TMT1B: variants seen among roughly 807,000 people sequenced by gnomAD.
TMT1B encodes the protein thiol methyltransferase 1B.
the TMT1B span, chr12:55,683,802 A>G: frequency 6.2e-7 from 1 of 1,613,304 alleles, no homozygotes; most frequent in Admixed American, 1.7e-5. Flanking sequence ...TAACTCTCTC[A>G]TCCCTCCCAG....
the TMT1B span, chr12:55,681,971 G>A: frequency 6.2e-7 from 1 of 1,614,240 alleles, no homozygotes; most frequent in East Asian, 2.2e-5. Flanking sequence ...CGGGAAAGTG[G>A]CCCTACTGGA....
At chr12:55,682,184 A>G in the TMT1B span, 1 of 1,613,584 alleles carries the variant, frequency 6.2e-7, no homozygotes, top group Non-Finnish European at 8.5e-7. Flanking sequence ...GGTGGTCTGC[A>G]CTCTGGTGCT....
At chr12:55,681,997 C>T in the TMT1B span, 10 of 1,614,246 alleles carry the variant, frequency 6.2e-6, no homozygotes, top group Non-Finnish European at 7.6e-6. Context: ...GCTGCGGAAC[C>T]GGAGCCAACT....
At chr12:55,682,364 C>A in the TMT1B span, 364 of 982,404 alleles carry the variant, frequency 3.7e-4, 1 homozygote, top group African/African-American at 5.3e-3. Flanking sequence ...ACATTAGACA[C>A]CCCATCCACC....
the TMT1B span, chr12:55,681,738 C>T: frequency 6.5e-7 from 1 of 1,536,294 alleles, no homozygotes; most frequent in Non-Finnish European, 8.8e-7. Flanking sequence ...GGAAGCACAG[C>T]TCAGAGCTGG....
At chr12:55,682,236 G>A in the TMT1B span, 7 of 1,613,172 alleles carry the variant, frequency 4.3e-6, no homozygotes, top group South Asian at 2.2e-5. Flanking sequence ...CAGGAGGTCC[G>A]GAGAGTACTG....
the TMT1B span, among the ~76,000 whole-genome samples, chr12:55,682,808 AAGAGAG>A: frequency 1.8e-4 from 27 of 148,258 alleles, no homozygotes; most frequent in Non-Finnish European, 3.0e-4. Context: ...AATAAATAAA[AAGAGAG>A]AGAGAGAGAG....
chr12:55,684,064 C>T, the TMT1B span: 2 of 1,610,278 alleles, frequency 1.2e-6, no homozygotes, highest in South Asian at 1.1e-5. Context: ...TCCCAAGCTC[C>T]AAGGCACTCA....
At chr12:55,681,935 C>T in the TMT1B span, 1 of 1,614,126 alleles carries the variant, frequency 6.2e-7, no homozygotes, top group Non-Finnish European at 8.5e-7. Flanking sequence ...GCTCTTCAGC[C>T]AGATAAAGGG....
At chr12:55,682,143 T>C in the TMT1B span, 1 of 1,613,748 alleles carries the variant, frequency 6.2e-7, no homozygotes, top group African/African-American at 1.3e-5. Flanking sequence ...GGAGAGGACA[T>C]GAGACAGCTG....
chr12:55,683,356 G>A, the TMT1B span, among the ~76,000 whole-genome samples: 2 of 152,150 alleles, frequency 1.3e-5, no homozygotes, highest in African/African-American at 4.8e-5. Context: ...GTAGCCGGGC[G>A]TGGTGGCTCA....
the TMT1B span, chr12:55,684,280 A>T: frequency 1.9e-6 from 1 of 517,618 alleles, no homozygotes; most frequent in East Asian, 3.4e-5. Flanking sequence ...CAGGGAGGAA[A>T]CACTAGGACC....
chr12:55,684,130 T>G, the TMT1B span: 1 of 1,311,332 alleles, frequency 7.6e-7, no homozygotes, highest in Non-Finnish European at 1.1e-6. Flanking sequence ...CTATCTATCT[T>G]CCACTGAGAG....
At chr12:55,682,711 G>A in the TMT1B span, among the ~76,000 whole-genome samples, 2 of 151,804 alleles carry the variant, frequency 1.3e-5, no homozygotes, top group Admixed American at 6.6e-5. Flanking sequence ...ACTTGAGCCC[G>A]AGTTCAAAGT....
the TMT1B span, chr12:55,684,005 T>C: frequency 1.9e-5 from 30 of 1,613,688 alleles, no homozygotes; most frequent in Non-Finnish European, 2.3e-5. Flanking sequence ...TCCCTTGAAG[T>C]GGCTACCTGT....
At chr12:55,681,925 G>A in the TMT1B span, 9 of 1,613,954 alleles carry the variant, frequency 5.6e-6, no homozygotes, top group Non-Finnish European at 7.6e-6. Context: ...AGAAACGGGA[G>A]CTCTTCAGCC....
At chr12:55,682,725 A>G in the TMT1B span, among the ~76,000 whole-genome samples, 2 of 152,058 alleles carry the variant, frequency 1.3e-5, no homozygotes, top group Non-Finnish European at 2.9e-5. Flanking sequence ...TCAAAGTTAC[A>G]GTGAACTATG....
the TMT1B span, among the ~76,000 whole-genome samples, chr12:55,682,693 G>C: frequency 6.6e-6 from 1 of 152,090 alleles, no homozygotes; most frequent in African/African-American, 2.4e-5. Flanking sequence ...AGCTGAGGTG[G>C]GAGGATCACT....
chr12:55,682,803 AT>A, the TMT1B span, among the ~76,000 whole-genome samples: 4 of 55,498 alleles, frequency 7.2e-5, no homozygotes, highest in African/African-American at 3.7e-4. Context: ...AAATAAATAA[AT>A]AAAAAGAGAG....
Sources: allele counts gnomAD v4.1 joint callset (sites outside exome capture counted in the v4.1 genomes callset), GRCh38; gene constraint gnomAD v4.1.1; transcripts MANE v1.5; gene names NCBI Gene and HGNC (gene_info 2026-07-23, HGNC 2026-07-21).